VEPH1: variants seen among roughly 807,000 people sequenced by gnomAD.
The protein encoded by VEPH1 is ventricular zone expressed PH domain containing 1, also known as ventricular zone-expressed PH domain-containing protein homolog 1.
VEPH1 carries 80 observed loss-of-function variants against 85.2 expected under a neutral mutation model. The ratio of observed to expected loss-of-function variants is 0.94; its 90% CI spans 0.78 to 1.13. The LOEUF (loss-of-function observed/expected upper bound fraction) is 1.13. Among genes scored for constraint, VEPH1 ranks in the 50% most tolerant of loss-of-function variants. The pLI, the probability that VEPH1 is intolerant of heterozygous loss-of-function variation, is 0.00. For synonymous variants in VEPH1, 297 were observed against 348.0 expected, an observed-to-expected ratio of 0.85 and a Z score of 1.63; for missense variants, 955 against 980.5, an observed-to-expected ratio of 0.97 and a Z score of 0.35.
At chr3:157,459,953 C>T (rs1735681604) in intron 4 of VEPH1, 2 of 1,537,216 alleles carry the variant, frequency 1.3e-6, no homozygotes, top group Non-Finnish European at 1.7e-6. Flanking sequence ...TGGAAGAATG[C>T]TTACAATTCT....
At chr3:157,422,690 T>C (rs1202577224) in intron 5 of VEPH1, among the ~76,000 whole-genome samples, 1 of 152,240 alleles carries the variant, frequency 6.6e-6, no homozygotes, top group Admixed American at 6.5e-5. Context: ...ATTGGTTCTC[T>C]CATTTGTGCT....
chr3:157,425,687 G>C (rs932025729), intron 5 of VEPH1, among the ~76,000 whole-genome samples: 10 of 152,208 alleles, frequency 6.6e-5, no homozygotes, highest in African/African-American at 1.9e-4. Flanking sequence ...GAAGGCACTT[G>C]CCTTGTCTTA....
At chr3:157,454,424 A>T (rs1274657082) in intron 4 of VEPH1, among the ~76,000 whole-genome samples, 1 of 152,148 alleles carries the variant, frequency 6.6e-6, no homozygotes, top group African/African-American at 2.4e-5. Flanking sequence ...TGGTACTAAG[A>T]ACCCACCTTA....
intron 13 of VEPH1, among the ~76,000 whole-genome samples, chr3:157,265,256 C>T (rs1032369480): frequency 8.5e-5 from 13 of 152,180 alleles, no homozygotes; most frequent in African/African-American, 1.7e-4. Flanking sequence ...ACAAAGGGCA[C>T]GGTGTCTGAG....
intron 9 of VEPH1, among the ~76,000 whole-genome samples, chr3:157,331,090 A>C (rs569330539): frequency 3.0e-4 from 45 of 152,306 alleles, no homozygotes; most frequent in African/African-American, 1.0e-3. Context: ...TGCAGCCAAG[A>C]ACTGCATCTG....
chr3:157,411,905 A>T (rs1032544680), intron 6 of VEPH1, among the ~76,000 whole-genome samples: 7 of 152,130 alleles, frequency 4.6e-5, no homozygotes, highest in African/African-American at 1.7e-4. Flanking sequence ...CTGTGTTGCC[A>T]CCCAAATCTC....
In VEPH1 at chr3:157,460,080, T is replaced by A. The variant is rs767599864; in HGVS notation, c.529+101A>T. On this transcript the variant is annotated intron_variant, in intron 4 of 13. Coordinates refer to ENST00000362010, the MANE Select transcript of VEPH1 (RefSeq NM_001167912.2). Reference sequence around the variant, plus strand: ...CAAAACAGAGAAATTAATTTGCTTCTAATACTCTAGGTCTTGCTTCCCACA... The same window carrying A: ...CAAAACAGAGAAATTAATTTGCTTCAAATACTCTAGGTCTTGCTTCCCACA... 11 of 1,610,032 alleles carry A rather than the reference T, an allele frequency of 6.8e-6. No homozygotes were observed. The South Asian group carries it at 1.2e-4, about 18-fold the overall frequency.
At chr3:157,325,996 C>T (rs1025930342) in intron 9 of VEPH1, among the ~76,000 whole-genome samples, 2 of 152,170 alleles carry the variant, frequency 1.3e-5, no homozygotes, top group African/African-American at 4.8e-5. Context: ...TTTGTGTCAT[C>T]TCCGATTTCT....
rs56800722 is a variant in VEPH1 at position 157,378,306 on chromosome 3, GTATATATATATATATATATATATATATA to G, written c.1127+2822_1127+2849del. Reference sequence around the variant, plus strand: ...TCTATGAAAATGCTATTTTTGAATGGTATATATATATATATATATATATATATATATATATATATATATATATATATAG... The same window carrying G: ...TCTATGAAAATGCTATTTTTGAATGGTATATATATATATATATATATATAG... On this transcript the variant is annotated intron_variant, in intron 7 of 13. Transcript: ENST00000362010. Among the ~76,000 whole-genome samples, 721 of 94,626 alleles carry G rather than the reference GTATATATATATATATATATATATATATA, an allele frequency of 7.6e-3. 8 individuals carry two copies. The highest frequency in any genetic ancestry group is 0.011 in the African/African-American group (240 of 22,168). The allele number at this position is 94,626 out of a possible 152,430, so 62.1% of individuals were successfully genotyped here.
chr3:157,469,158 T>C (rs1190635142), intron 3 of VEPH1, among the ~76,000 whole-genome samples: 1 of 152,216 alleles, frequency 6.6e-6, no homozygotes, highest in East Asian at 1.9e-4. Flanking sequence ...TATTCATCTT[T>C]TGTTAATTTT....
At chr3:157,358,362 G>C (rs1270043010) in intron 9 of VEPH1, among the ~76,000 whole-genome samples, 1 of 152,122 alleles carries the variant, frequency 6.6e-6, no homozygotes, top group Non-Finnish European at 1.5e-5. Context: ...TAATGAATGA[G>C]GCTCCAGGAA....
chr3:157,410,843 GAGAGA>G (rs1462956682), intron 6 of VEPH1, among the ~76,000 whole-genome samples: 3 of 152,100 alleles, frequency 2.0e-5, no homozygotes, highest in African/African-American at 4.8e-5. Flanking sequence ...AATTTTTGAG[GAGAGA>G]AAACAGATCC....
At chr3:157,305,144 C>G (rs1318845958) in intron 11 of VEPH1, among the ~76,000 whole-genome samples, 3 of 113,614 alleles carry the variant, frequency 2.6e-5, no homozygotes, top group African/African-American at 1.0e-4. Context: ...GAGTCTCGCT[C>G]TGTCGCCCAG....
intron 11 of VEPH1, among the ~76,000 whole-genome samples, chr3:157,289,404 C>T (rs1047784802): frequency 6.6e-6 from 1 of 152,224 alleles, no homozygotes; most frequent in Non-Finnish European, 1.5e-5. Flanking sequence ...AAGCCAAAAG[C>T]AGGCTTACCT....
intron 12 of VEPH1, chr3:157,286,262 TAACC>T: frequency 3.1e-6 from 1 of 319,688 alleles, no homozygotes; most frequent in Non-Finnish European, 6.0e-6. Context: ...TTTTTCTCTC[TAACC>T]CTCAGGGTCA....
chr3:157,321,830 A>T (rs1721386532), intron 9 of VEPH1, among the ~76,000 whole-genome samples: 1 of 152,152 alleles, frequency 6.6e-6, no homozygotes, highest in South Asian at 2.1e-4. Flanking sequence ...TGATTTTTAC[A>T]TTTTAATTTG....
chr3:157,363,217 AAC>A, intron 9 of VEPH1, 145 bp downstream of exon 9: 1 of 770,348 alleles, frequency 1.3e-6, no homozygotes, highest in Non-Finnish European at 1.9e-6. Flanking sequence ...AAAAAAAAAA[AAC>A]TAACATAATG....
chr3:157,332,980 C>T (rs1482725727), intron 9 of VEPH1, among the ~76,000 whole-genome samples: 1 of 152,120 alleles, frequency 6.6e-6, no homozygotes, highest in East Asian at 1.9e-4. Flanking sequence ...ACAAACAATA[C>T]TCAAATCAGG....
chr3:157,416,712 C>G (rs1307439806), intron 5 of VEPH1, among the ~76,000 whole-genome samples: 3 of 150,716 alleles, frequency 2.0e-5, no homozygotes, highest in Non-Finnish European at 2.9e-5. Context: ...TCCCAAGCTA[C>G]ACAGCATGGG....
Sources: gnomAD v4.1 joint callset for allele counts (sites outside exome capture counted in the v4.1 genomes callset) on GRCh38, gnomAD v4.1.1 for gene constraint, MANE v1.5 for transcripts, NCBI Gene and HGNC (gene_info 2026-07-23, HGNC 2026-07-21) for gene names.